Variants in SLC29A4 observed in about 807,000 individuals in gnomAD.
SLC29A4 encodes the protein equilibrative nucleoside transporter 4.
A neutral mutation model predicts 43.9 loss-of-function variants in SLC29A4; 36 were observed. The ratio of observed to expected loss-of-function variants is 0.82; its 90% CI spans 0.63 to 1.08. SLC29A4 has a LOEUF of 1.08. SLC29A4 is among the 50% of genes least tolerant of loss of function. The pLI is 0.00. For missense variants in SLC29A4, 869 were observed against 755.3 expected, an observed-to-expected ratio of 1.15 and a Z score of -1.77; for synonymous variants, 491 against 338.0, an observed-to-expected ratio of 1.45 and a Z score of -4.97.
chr7:5,294,773 T>C (rs902923011), intron 5 of SLC29A4, 87 bp from the exon 6 acceptor site: 2 of 1,384,226 alleles, frequency 1.4e-6, no homozygotes, highest in African/African-American at 2.8e-5. Context: ...CGCACCCTCG[T>C]CCACCAACAC....
At chr7:5,283,542 G>A (rs1784781840) in intron 1 of SLC29A4, among the ~76,000 whole-genome samples, 1 of 152,178 alleles carries the variant, frequency 6.6e-6, no homozygotes, top group African/African-American at 2.4e-5. Context: ...CAACTTTGCG[G>A]CTGATGAGGC....
At chr7:5,301,984 T>A (rs1786199240) in intron 10 of SLC29A4, among the ~76,000 whole-genome samples, 2 of 152,078 alleles carry the variant, frequency 1.3e-5, no homozygotes, top group African/African-American at 2.4e-5. Context: ...GGAGTCTTGC[T>A]CTGTTCCCCA....
chr7:5,297,125 G>A lies in SLC29A4; in HGVS notation c.809G>A (p.Arg270Gln). The change falls in exon 7 of 11, where the codon CGG becomes CAG. Residue 270 changes from arginine (R) to glutamine (Q), a missense_variant. By Grantham distance (43) the Arg-to-Gln change is conservative (BLOSUM62 1). Transcript: ENST00000396872. The stretch of plus-strand genomic sequence containing the variant: ...ACCACACGGCCGCGTGACAGCCACC[G>A]GGGCAGGCCAGGCCTGGGCAGGGGC... ...FYTTRPRDSHRGRPGLGRGYG... is the reference protein window; with the variant it reads ...FYTTRPRDSHQGRPGLGRGYG... 1 of 1,606,470 alleles carries A rather than the reference G, an allele frequency of 6.2e-7. No individual in the cohort carries two copies.
At chr7:5,293,746 G>A (rs1785461924) in intron 5 of SLC29A4, among the ~76,000 whole-genome samples, 1 of 152,144 alleles carries the variant, frequency 6.6e-6, no homozygotes, top group African/African-American at 2.4e-5. Flanking sequence ...ATGGGCTCGA[G>A]GGAGAGGCCA....
At chr7:5,298,024 G>A (rs1785839948) in intron 7 of SLC29A4, among the ~76,000 whole-genome samples, 2 of 152,226 alleles carry the variant, frequency 1.3e-5, no homozygotes, top group South Asian at 4.1e-4. Flanking sequence ...TACAGGCTTG[G>A]GGACACCTGC....
chr7:5,294,167 C>G (rs1318192580), intron 5 of SLC29A4, among the ~76,000 whole-genome samples: 1 of 151,954 alleles, frequency 6.6e-6, no homozygotes, highest in East Asian at 1.9e-4. Context: ...TCTTGAACTC[C>G]TAGACTCAAG....
At chr7:5,290,123 G>A (rs570042690) in intron 2 of SLC29A4, among the ~76,000 whole-genome samples, 3 of 147,262 alleles carry the variant, frequency 2.0e-5, no homozygotes, top group Admixed American at 1.4e-4. Flanking sequence ...GCGCGATCTC[G>A]GCTCACTGCA....
Position 5,305,285 on chromosome 7 carries a change from A to G in SLC29A4, c.*2346A>G, listed in dbSNP as rs1359894900. On this transcript the variant is annotated 3_prime_UTR_variant, in exon 11 of 11. Coordinates refer to ENST00000396872, the MANE Select transcript of SLC29A4 (RefSeq NM_153247.4). ...CAGGTGACACCAGAGTGTTTCCCAGAGCCCATGCCGGGCCCTTCCCTTGCC... is the reference window on the plus strand; with the variant it reads ...CAGGTGACACCAGAGTGTTTCCCAGGGCCCATGCCGGGCCCTTCCCTTGCC... 1 of 152,282 alleles carries G rather than the reference A, an allele frequency of 6.6e-6. No individual in the cohort carries two copies. The highest frequency in any genetic ancestry group is 1.9e-4 in the East Asian group (1 of 5,184). The allele number at this position is 152,282 out of a possible 1,614,324, so 9.4% of individuals were successfully genotyped here.
At chr7:5,284,306 G>C (rs1485435910) in intron 1 of SLC29A4, among the ~76,000 whole-genome samples, 1 of 152,194 alleles carries the variant, frequency 6.6e-6, no homozygotes, top group East Asian at 1.9e-4. Flanking sequence ...GGCAGCTTGT[G>C]CAACTGTTGA....
chr7:5,298,786 C>G (rs1253780222), intron 7 of SLC29A4, among the ~76,000 whole-genome samples: 1 of 152,138 alleles, frequency 6.6e-6, no homozygotes. Flanking sequence ...GGCAACAGAG[C>G]AAGACCCTCT....
intron 1 of SLC29A4, among the ~76,000 whole-genome samples, chr7:5,287,004 C>T (rs905553729): frequency 3.9e-5 from 6 of 152,238 alleles, no homozygotes; most frequent in South Asian, 2.1e-4. Flanking sequence ...TATTTCTCAC[C>T]GTGCCCACTG....
At chr7:5,297,548 C>T (rs1448800913) in intron 7 of SLC29A4, among the ~76,000 whole-genome samples, 2 of 152,242 alleles carry the variant, frequency 1.3e-5, no homozygotes, top group African/African-American at 4.8e-5. Flanking sequence ...AGCCCACGTT[C>T]ATTCTGAGGG....
chr7:5,300,362 G>C, intron 9 of SLC29A4, 60 bp from the exon 10 acceptor site: 1 of 1,606,024 alleles, frequency 6.2e-7, no homozygotes, highest in Non-Finnish European at 8.5e-7. Flanking sequence ...GGCTGTCGGG[G>C]GTGTGAGGCG....
chr7:5,300,742 C>A (rs546906456), intron 10 of SLC29A4, 80 bp downstream of exon 10: 2 of 1,536,752 alleles, frequency 1.3e-6, no homozygotes, highest in Admixed American at 2.2e-5. Context: ...CAGGCTAGAC[C>A]GCAGGAAGGT....
At chr7:5,302,013 C>T (rs1419264854) in intron 10 of SLC29A4, among the ~76,000 whole-genome samples, 34 of 152,156 alleles carry the variant, frequency 2.2e-4, no homozygotes, top group African/African-American at 9.6e-5. Flanking sequence ...TGCAGTGGCA[C>T]GATCTCAGCT....
At chr7:5,289,540 G>A (rs1297746809) in intron 2 of SLC29A4, among the ~76,000 whole-genome samples, 1 of 152,134 alleles carries the variant, frequency 6.6e-6, no homozygotes, top group Non-Finnish European at 1.5e-5. Context: ...GGTCTCACCT[G>A]ATTAGGTCAG....
rs774145930 is a variant in SLC29A4 at position 5,299,091 on chromosome 7, G to T, written c.986G>T (p.Arg329Leu). Residue 329 changes from arginine to leucine, a missense_variant, in exon 8 of 11, where the codon CGG (arginine) becomes CTG (leucine). Physicochemically the swap from Arg to Leu is moderately radical, Grantham distance 102. Transcript: ENST00000396872. ...GCCTACATGCGCTTTGATGTGCCGCGGCCAAGGGTCCAGCGCAGCTGGCCC... is the reference window on the plus strand; with the variant it reads ...GCCTACATGCGCTTTGATGTGCCGCTGCCAAGGGTCCAGCGCAGCTGGCCC... Reference protein sequence around the residue: ...GGAYMRFDVPRPRVQRSWPTF... With the variant: ...GGAYMRFDVPLPRVQRSWPTF... 1.9e-6 allele frequency: 3 copies of T among 1,610,408 alleles called. No individual in the cohort carries two copies. The highest frequency in any genetic ancestry group is 1.3e-5 in the African/African-American group (1 of 74,882).
At chr7:5,294,555 T>C (rs1190077628) in intron 5 of SLC29A4, among the ~76,000 whole-genome samples, 1 of 152,012 alleles carries the variant, frequency 6.6e-6, no homozygotes, top group Admixed American at 6.6e-5. Context: ...ACACATGGCC[T>C]CTCCTGTCCC....
chr7:5,288,153 C>G (rs1224641790), intron 2 of SLC29A4, among the ~76,000 whole-genome samples, 168 bp downstream of exon 2: 1 of 152,202 alleles, frequency 6.6e-6, no homozygotes, highest in African/African-American at 2.4e-5. Context: ...CGCCCACCTT[C>G]TCAGTGTCTC....
Sources: gnomAD v4.1 joint callset for allele counts (sites outside exome capture counted in the v4.1 genomes callset) on GRCh38, gnomAD v4.1.1 for gene constraint, MANE v1.5 for transcripts, NCBI Gene and HGNC (gene_info 2026-07-23, HGNC 2026-07-21) for gene names.